The following POM121C variants were observed in gnomAD, a reference collection of about 807,000 sequenced individuals.
POM121C encodes the protein POM121 transmembrane nucleoporin C.
Under a neutral mutation model 66.4 loss-of-function variants are expected in POM121C, and 20 were observed. That is an observed-to-expected ratio of 0.30 (90% CI 0.21 to 0.44). The LOEUF (loss-of-function observed/expected upper bound fraction) is 0.44. POM121C is among the 20% of genes least tolerant of loss of function. POM121C has a pLI of 1.00. For synonymous variants in POM121C, 286 were observed against 528.0 expected (o/e 0.54, Z 6.28); for missense variants, 580 against 1,225.7 (o/e 0.47, Z 7.87).
chr7:75,439,318 C>CTA (rs1554473527), intron 5 of POM121C, 94 bp from the exon 6 acceptor site: 33 of 1,512,678 alleles, frequency 2.2e-5, no homozygotes, highest in Non-Finnish European at 6.4e-6. Context: ...TATACTATCT[C>CTA]TATGGAGCAC....
chr7:75,423,653 C>T (rs1554471266), intron 12 of POM121C, among the ~76,000 whole-genome samples: 4 of 152,052 alleles, frequency 2.6e-5, no homozygotes, highest in Non-Finnish European at 4.4e-5. Context: ...AGGCCTGGGC[C>T]GGGAACACCA....
At chr7:75,463,549 G>T (rs1554477349) in intron 3 of POM121C, among the ~76,000 whole-genome samples, 1 of 150,050 alleles carries the variant, frequency 6.7e-6, no homozygotes, top group Non-Finnish European at 1.5e-5. Context: ...GACTTTCAGA[G>T]ACCGCACATG....
chr7:75,435,665 G>A (rs1473881803), intron 7 of POM121C, among the ~76,000 whole-genome samples: 1 of 152,184 alleles, frequency 6.6e-6, no homozygotes, highest in East Asian at 1.9e-4. Flanking sequence ...GATTCACAGA[G>A]GGATATAAAG....
chr7:75,465,263 G>A (rs1470151499), intron 3 of POM121C, among the ~76,000 whole-genome samples: 1 of 151,766 alleles, frequency 6.6e-6, no homozygotes, highest in Non-Finnish European at 1.5e-5. Flanking sequence ...CCAAAGTGCT[G>A]GGATTATAAG....
At chr7:75,426,045 G>C (rs1250960843) in intron 8 of POM121C, among the ~76,000 whole-genome samples, 1 of 150,198 alleles carries the variant, frequency 6.7e-6, no homozygotes, top group Non-Finnish European at 1.5e-5. Flanking sequence ...TAGGGGATCA[G>C]CTCGAGTCAA....
intron 3 of POM121C, chr7:75,442,023 G>C: frequency 1.2e-6 from 1 of 855,606 alleles, no homozygotes; most frequent in Non-Finnish European, 1.7e-6. Context: ...GTGTTAAGGA[G>C]GGCAAAACCA....
intron 7 of POM121C, among the ~76,000 whole-genome samples, chr7:75,432,862 C>T (rs1360000416): frequency 2.0e-5 from 3 of 151,960 alleles, no homozygotes; most frequent in Non-Finnish European, 4.4e-5. Flanking sequence ...ATCGCTGGGA[C>T]AGAGGAATTT....
chr7:75,486,025 C>T lies in POM121C; in HGVS notation c.-619G>A, dbSNP rs1461543286. 1.7e-5 allele frequency: 8 copies of T among 465,620 alleles called. No homozygotes were observed. The highest frequency in any genetic ancestry group is 1.4e-4 in the East Asian group (2 of 14,428). 28.8% of individuals were successfully genotyped at this position (465,620 alleles called of 1,614,324 possible). On this transcript the variant is annotated 5_prime_UTR_variant, in exon 1 of 15. Coordinates refer to ENST00000615331, the MANE Select transcript of POM121C (RefSeq NM_001099415.3). ...GCCGGGCCTACGGGGCAAATCCAGG[C>T]GGGTGTCCTTCTCGGGGCCCAGATC...
rs1283824444 is a variant in POM121C at position 75,425,635 on chromosome 7, C to A, written c.646G>T (p.Ala216Ser). 1 of 1,601,768 alleles carries A rather than the reference C, an allele frequency of 6.2e-7. No individual in the cohort carries two copies. The highest frequency in any genetic ancestry group is 1.3e-5 in the African/African-American group (1 of 74,760). The change falls in exon 9 of 15, where the codon GCT becomes TCT. Residue 216 changes from alanine to serine, a missense_variant and splice_region_variant. By Grantham distance (99) the Ala-to-Ser change is moderately conservative. Coordinates refer to ENST00000615331, the MANE Select transcript of POM121C (RefSeq NM_001099415.3). ...AADKESQGEK[A>S]ADTTPRKKQN... ...CCCTCCTCCTGGCTCAGCAACCTACCCTTTTCTCCCTGGGACTCCTTGTCT... is the reference window on the plus strand; with the variant it reads ...CCCTCCTCCTGGCTCAGCAACCTACACTTTTCTCCCTGGGACTCCTTGTCT...
At chr7:75,462,573 G>A (rs1554477184) in intron 3 of POM121C, among the ~76,000 whole-genome samples, 1 of 152,098 alleles carries the variant, frequency 6.6e-6, no homozygotes, top group Admixed American at 6.6e-5. Flanking sequence ...TGTGGTTTCT[G>A]GTATTGAAGG....
chr7:75,466,315 A>G (rs1791647305), intron 3 of POM121C, among the ~76,000 whole-genome samples: 1 of 151,660 alleles, frequency 6.6e-6, no homozygotes, highest in South Asian at 2.1e-4. Flanking sequence ...TAGAATTAAT[A>G]TAAGAGCAGG....
At chr7:75,435,663 G>C (rs1185248110) in intron 7 of POM121C, among the ~76,000 whole-genome samples, 15 of 152,328 alleles carry the variant, frequency 9.8e-5, no homozygotes, top group Middle Eastern at 3.4e-3. Flanking sequence ...AGGATTCACA[G>C]AGGGATATAA....
chr7:75,480,609 T>C (rs1792269367), intron 1 of POM121C, among the ~76,000 whole-genome samples: 1 of 152,140 alleles, frequency 6.6e-6, no homozygotes, highest in African/African-American at 2.4e-5. Context: ...AGGTTCCATG[T>C]AGCATTCCAG....
chr7:75,433,028 G>A (rs587633146), intron 7 of POM121C, among the ~76,000 whole-genome samples: 1 of 152,002 alleles, frequency 6.6e-6, no homozygotes, highest in Non-Finnish European at 1.5e-5. Context: ...GAGGTGAAGA[G>A]TTCAAGACCA....
At chr7:75,442,952 G>A (rs1790719959) in intron 3 of POM121C, 1 of 465,954 alleles carries the variant, frequency 2.1e-6, no homozygotes, top group African/African-American at 2.1e-5. Flanking sequence ...GATCCCATCC[G>A]GCTCCCATCC....
chr7:75,434,607 G>T, intron 7 of POM121C, among the ~76,000 whole-genome samples: 1 of 133,764 alleles, frequency 7.5e-6, no homozygotes, highest in South Asian at 2.3e-4. Flanking sequence ...TTTTGAGACA[G>T]AGTCTCACTA....
intron 5 of POM121C, among the ~76,000 whole-genome samples, chr7:75,439,913 C>G (rs1226254124): frequency 6.8e-6 from 1 of 147,572 alleles, no homozygotes; most frequent in East Asian, 2.0e-4. Flanking sequence ...GACAGTCTCG[C>G]TCTGTCACCC....
At chr7:75,448,491 C>G (rs1326830720) in intron 3 of POM121C, among the ~76,000 whole-genome samples, 6 of 63,710 alleles carry the variant, frequency 9.4e-5, no homozygotes, top group Non-Finnish European at 1.7e-4. Context: ...TCCCATCACC[C>G]AACAGAAACA....
In POM121C at chr7:75,485,947, G is replaced by A. The variant is rs1192229842; in HGVS notation, c.-541C>T. The A allele has an allele frequency of 2.2e-5, 11 of 498,908 alleles. No homozygotes were observed. The highest frequency in any genetic ancestry group is 1.2e-4 in the East Asian group (2 of 16,814). The allele number at this position is 498,908 out of a possible 1,614,324, so 30.9% of individuals were successfully genotyped here. A position where few individuals can be genotyped will look rare whatever the true frequency, so the allele number is the denominator to read the frequency against. On this transcript the variant is annotated 5_prime_UTR_variant, in exon 1 of 15. Transcript: ENST00000615331. ...GTCGCTGGCGCGCGCGTCTGCTCGC[G>A]AGGTCCCCTCCTGTCCACCTCACCA...
Sources: allele counts gnomAD v4.1 joint callset (sites outside exome capture counted in the v4.1 genomes callset), GRCh38; gene constraint gnomAD v4.1.1; transcripts MANE v1.5; gene names NCBI Gene and HGNC (gene_info 2026-07-23, HGNC 2026-07-21).